NRXN3: variants seen among roughly 807,000 people sequenced by gnomAD.
NRXN3 encodes neurexin 3.
A neutral mutation model predicts 137.6 loss-of-function variants in NRXN3; 32 were observed. The ratio of observed to expected loss-of-function variants is 0.23; its 90% CI spans 0.18 to 0.31. The LOEUF (loss-of-function observed/expected upper bound fraction) is 0.31, where lower values mean the gene tolerates loss of function less well. Among genes scored for constraint, NRXN3 ranks in the 10% least tolerant of loss-of-function variants. The pLI, the probability that NRXN3 is intolerant of heterozygous loss-of-function variation, is 1.00. For missense variants in NRXN3, 1,574 were observed against 2,062.5 expected (o/e 0.76, Z 4.59); for synonymous variants, 798 against 784.5 (o/e 1.02, Z -0.29).
At chr14:78,925,199 C>G (rs888345837) in intron 10 of NRXN3, among the ~76,000 whole-genome samples, 9 of 152,144 alleles carry the variant, frequency 5.9e-5, no homozygotes, top group Non-Finnish European at 1.3e-4. Flanking sequence ...CTGTGAAAGT[C>G]TGTCTAGAAA....
At chr14:79,170,020 G>A (rs2061630870) in intron 15 of NRXN3, among the ~76,000 whole-genome samples, 1 of 152,082 alleles carries the variant, frequency 6.6e-6, no homozygotes, top group Admixed American at 6.6e-5. Context: ...ATGCAAAATT[G>A]TAAGTTCTCC....
intron 4 of NRXN3, among the ~76,000 whole-genome samples, chr14:78,603,126 C>T (rs1457309869): frequency 3.9e-5 from 6 of 151,988 alleles, no homozygotes; most frequent in African/African-American, 7.3e-5. Context: ...TTAGAAGCAG[C>T]GTGTCCCCTG....
At chr14:78,851,039 T>C (rs1000680358) in intron 10 of NRXN3, among the ~76,000 whole-genome samples, 4 of 152,178 alleles carry the variant, frequency 2.6e-5, no homozygotes, top group Admixed American at 6.6e-5. Context: ...TAAACAGATA[T>C]CTTTTGTAAA....
chr14:79,128,565 T>C (rs1399161117), intron 15 of NRXN3, among the ~76,000 whole-genome samples: 1 of 151,120 alleles, frequency 6.6e-6, no homozygotes, highest in Non-Finnish European at 1.5e-5. Flanking sequence ...GATGTGCTGC[T>C]GGATTCGGTT....
intron 17 of NRXN3, among the ~76,000 whole-genome samples, chr14:79,689,416 ATAAAT>A (rs761557564): frequency 5.9e-5 from 9 of 152,238 alleles, no homozygotes; most frequent in Non-Finnish European, 1.3e-4. Context: ...AATGTTTGAG[ATAAAT>A]TAAAATAAAC....
At chr14:79,464,723 T>G (rs2096399336) in intron 15 of NRXN3, among the ~76,000 whole-genome samples, 1 of 152,176 alleles carries the variant, frequency 6.6e-6, no homozygotes, top group African/African-American at 2.4e-5. Context: ...CAGTTTATTG[T>G]GTAATTACAT....
chr14:79,566,047 G>T (rs935534166), intron 16 of NRXN3, among the ~76,000 whole-genome samples: 1 of 152,024 alleles, frequency 6.6e-6, no homozygotes, highest in Non-Finnish European at 1.5e-5. Context: ...TTTCTGGGGG[G>T]CAGGAGACAG....
Position 79,861,428 on chromosome 14 carries a change from G to C in NRXN3, c.4180G>C (p.Val1394Leu), listed in dbSNP as rs1446565886. 6.5e-7 allele frequency: 1 copy of C among 1,536,266 alleles called. No homozygotes were observed. The highest frequency in any genetic ancestry group is 8.7e-7 in the Non-Finnish European group (1 of 1,146,986). Residue 1394 changes from valine (V) to leucine (L), a missense_variant, in exon 21 of 21, where the codon GTC becomes CTC. Physicochemically the swap from Val to Leu is conservative, Grantham distance 32. Coordinates refer to ENST00000335750, the MANE Select transcript of NRXN3 (RefSeq NM_001330195.2). This position sits in a 1 kb window ranked among gnomAD's most constrained non-coding sequence, Gnocchi z 5.4. Reference protein sequence around the residue: ...WESKDFRPNKVSETSRTTTTS... With the variant: ...WESKDFRPNKLSETSRTTTTS... ...ATCCAAGGACTTTAGACCTAACAAA[G>C]TCTCCGAAACTAGTAGGACTACTAC...
intron 15 of NRXN3, among the ~76,000 whole-genome samples, chr14:79,241,768 G>A (rs1020117337): frequency 2.6e-5 from 4 of 152,086 alleles, no homozygotes; most frequent in African/African-American, 9.7e-5. Context: ...TTACATTCAT[G>A]TTGAAAATTA....
At chr14:78,198,861 A>G (rs988110370) in intron 1 of NRXN3, among the ~76,000 whole-genome samples, 1 of 152,166 alleles carries the variant, frequency 6.6e-6, no homozygotes, top group Non-Finnish European at 1.5e-5. Flanking sequence ...TTCTTTTCCT[A>G]TAGCTTGAGA....
At chr14:78,423,867 T>C (rs1383987531) in intron 4 of NRXN3, among the ~76,000 whole-genome samples, 3 of 152,246 alleles carry the variant, frequency 2.0e-5, no homozygotes, top group African/African-American at 7.2e-5. Context: ...ATCTGGATAC[T>C]AGCAGTGAGA....
In NRXN3 at chr14:78,174,835, C is replaced by T. The variant is rs577104025; in HGVS notation, c.-704+4161C>T. On this transcript the variant is annotated intron_variant, in intron 1 of 20. Coordinates refer to ENST00000335750, the MANE Select transcript of NRXN3 (RefSeq NM_001330195.2). ...GATCCCCACGTCCACCAAGCGAACC[C>T]GTGGGTGGGTGGCTCATGGATGACT... is the stretch of plus-strand genomic sequence containing the variant. Among the ~76,000 whole-genome samples the T allele has an allele frequency of 1.1e-4, 16 of 152,260 alleles. No individual in the cohort carries two copies. The East Asian group carries it at 2.7e-3, about 26-fold the overall frequency.
intron 15 of NRXN3, among the ~76,000 whole-genome samples, chr14:79,462,482 A>G (rs1001610847): frequency 6.7e-6 from 1 of 149,176 alleles, no homozygotes; most frequent in African/African-American, 2.5e-5. Context: ...ATTTGAGGGA[A>G]GGCTATTTTG....
chr14:79,006,891 C>T (rs113781220), intron 15 of NRXN3, among the ~76,000 whole-genome samples: 4,072 of 152,242 alleles, frequency 0.027, 141 homozygotes, highest in African/African-American at 0.082. Context: ...TACTGTGCCC[C>T]ATCTCCAGAC....
At chr14:79,806,295 C>G (rs4488380) in intron 20 of NRXN3, among the ~76,000 whole-genome samples, 4,822 of 152,140 alleles carry the variant, frequency 0.032, 115 homozygotes, top group East Asian at 0.094. Context: ...AAAATAAAAA[C>G]CTTCCATTTC....
At chr14:78,544,912 A>G (rs1397201254) in intron 4 of NRXN3, among the ~76,000 whole-genome samples, 1 of 152,210 alleles carries the variant, frequency 6.6e-6, no homozygotes, top group Non-Finnish European at 1.5e-5. Context: ...CCCAAGAGAC[A>G]GCAGGGAGAT....
chr14:79,536,650 C>T (rs1423927742), intron 16 of NRXN3, among the ~76,000 whole-genome samples: 1 of 152,024 alleles, frequency 6.6e-6, no homozygotes, highest in Non-Finnish European at 1.5e-5. Flanking sequence ...TTTTGTTCCC[C>T]TCTCTGTGTC....
rs145345072 is a variant in NRXN3, at chr14:78,651,233, C to A, written c.1128C>A (p.Gly376=). The A allele has an allele frequency of 2.7e-3, 4,430 of 1,614,028 alleles. 17 individuals are homozygous for A. The highest frequency in any genetic ancestry group is 0.017 in the Middle Eastern group (105 of 6,060). Residue 376 remains glycine (G), a synonymous_variant, in exon 6 of 21, where the codon GGC becomes GGA. Coordinates refer to ENST00000335750, the MANE Select transcript of NRXN3 (RefSeq NM_001330195.2). ...CTCAAGAGGACTATACCATGCTGGGCTCGGACGACTTCTTCTATGTAGGAG... is the reference window on the plus strand; with the variant it reads ...CTCAAGAGGACTATACCATGCTGGGATCGGACGACTTCTTCTATGTAGGAG... ...GYTQEDYTML[G]SDDFFYVGGS...
intron 4 of NRXN3, among the ~76,000 whole-genome samples, chr14:78,310,574 A>G (rs1218488398): frequency 6.6e-6 from 1 of 151,976 alleles, no homozygotes; most frequent in Non-Finnish European, 1.5e-5. Context: ...CTTGGCCCAA[A>G]TTGTTACGAG....
Sources: allele counts gnomAD v4.1 joint callset (sites outside exome capture counted in the v4.1 genomes callset), GRCh38; gene constraint gnomAD v4.1.1; non-coding constraint Gnocchi (gnomAD v3.1); transcripts MANE v1.5; gene names NCBI Gene and HGNC (gene_info 2026-07-23, HGNC 2026-07-21).